HYCC2: variants seen among roughly 807,000 people sequenced by gnomAD.
HYCC2 encodes hyccin 2.
the HYCC2 span, chr2:200,979,981 G>C: frequency 6.6e-6 from 1 of 152,630 alleles, no homozygotes. Flanking sequence ...GCAGATATAT[G>C]ATTAGAAGGT....
the HYCC2 span, among the ~76,000 whole-genome samples, chr2:201,027,014 T>C: frequency 2.0e-5 from 3 of 152,120 alleles, no homozygotes; most frequent in South Asian, 6.2e-4. Context: ...AAAAAATCCA[T>C]GAATCCAGGA....
chr2:201,048,160 G>A, the HYCC2 span, among the ~76,000 whole-genome samples: 1 of 152,072 alleles, frequency 6.6e-6, no homozygotes. Context: ...TGTGACACTA[G>A]TAATAGTAAT....
At chr2:200,980,715 G>C in the HYCC2 span, 1 of 153,966 alleles carries the variant, frequency 6.5e-6, no homozygotes, top group Non-Finnish European at 1.4e-5. Context: ...TAATGAAAAA[G>C]TGCAGCAGTC....
chr2:201,045,669 TAGGC>T, the HYCC2 span: 8 of 394,814 alleles, frequency 2.0e-5, no homozygotes, highest in African/African-American at 1.6e-4. Context: ...ACAGTTTTGA[TAGGC>T]ATTTACAATA....
At chr2:201,003,805 CTTTTTTTTTT>C in the HYCC2 span, among the ~76,000 whole-genome samples, 3 of 66,360 alleles carry the variant, frequency 4.5e-5, no homozygotes, top group East Asian at 1.5e-3. Context: ...GTTGTTGTTG[CTTTTTTTTTT>C]TTTTTTTTTT....
the HYCC2 span, among the ~76,000 whole-genome samples, chr2:201,014,986 A>G: frequency 6.6e-6 from 1 of 152,154 alleles, no homozygotes; most frequent in Non-Finnish European, 1.5e-5. Context: ...ATTATCAAAT[A>G]ACTATTAACA....
At chr2:201,048,765 T>C in the HYCC2 span, among the ~76,000 whole-genome samples, 3 of 152,070 alleles carry the variant, frequency 2.0e-5, no homozygotes, top group African/African-American at 7.2e-5. Flanking sequence ...ATTAAAGTAA[T>C]ATTAATGAAG....
chr2:201,016,595 ATTTTT>A, the HYCC2 span, among the ~76,000 whole-genome samples: 1 of 149,354 alleles, frequency 6.7e-6, no homozygotes, highest in Non-Finnish European at 1.5e-5. Flanking sequence ...TTTATTTATT[ATTTTT>A]AATTTTTTTT....
chr2:201,012,132 T>A, the HYCC2 span, among the ~76,000 whole-genome samples: 21 of 152,228 alleles, frequency 1.4e-4, no homozygotes, highest in African/African-American at 4.8e-4. Flanking sequence ...TTACAATCAT[T>A]CGCAATAAAC....
chr2:200,992,496 C>A, the HYCC2 span: 1 of 692,228 alleles, frequency 1.4e-6, no homozygotes, highest in Non-Finnish European at 2.6e-6. Flanking sequence ...TACGTCATTT[C>A]ATTTATAAAC....
At chr2:200,998,333 CT>C in the HYCC2 span, among the ~76,000 whole-genome samples, 1 of 152,144 alleles carries the variant, frequency 6.6e-6, no homozygotes, top group Non-Finnish European at 1.5e-5. Context: ...ATAGAATATG[CT>C]TTTTTACTTG....
At chr2:201,033,866 C>T in the HYCC2 span, among the ~76,000 whole-genome samples, 22 of 151,850 alleles carry the variant, frequency 1.4e-4, no homozygotes, top group Non-Finnish European at 2.4e-4. Flanking sequence ...AAAAGCAACA[C>T]AAATCTTTTA....
the HYCC2 span, among the ~76,000 whole-genome samples, chr2:201,059,855 GGCCAACATGGTGAAAC>G: frequency 1.3e-5 from 2 of 152,046 alleles, no homozygotes; most frequent in East Asian, 3.9e-4. Flanking sequence ...AGACCAGCCT[GGCCAACATGGTGAAAC>G]CCCGTCTCTA....
chr2:201,048,066 T>C, the HYCC2 span, among the ~76,000 whole-genome samples: 1 of 152,058 alleles, frequency 6.6e-6, no homozygotes, highest in Non-Finnish European at 1.5e-5. Flanking sequence ...GGGTAAACAG[T>C]ATAAGGAAAT....
chr2:201,027,686 T>G, the HYCC2 span, among the ~76,000 whole-genome samples: 1 of 151,698 alleles, frequency 6.6e-6, no homozygotes, highest in Non-Finnish European at 1.5e-5. Flanking sequence ...ACGTAACCCA[T>G]CACATAAAGA....
At chr2:200,989,636 G>A in the HYCC2 span, among the ~76,000 whole-genome samples, 2 of 152,040 alleles carry the variant, frequency 1.3e-5, no homozygotes, top group Non-Finnish European at 2.9e-5. Context: ...AACATGGTGA[G>A]ATCTCGTCTC....
the HYCC2 span, among the ~76,000 whole-genome samples, chr2:201,055,816 C>T: frequency 1.3e-5 from 2 of 152,182 alleles, no homozygotes; most frequent in East Asian, 3.9e-4. Context: ...ATCCTAGCTA[C>T]TCGGGTGGCT....
chr2:200,981,028 G>A, the HYCC2 span: 1 of 542,648 alleles, frequency 1.8e-6, no homozygotes, highest in Non-Finnish European at 3.3e-6. The surrounding 1 kb of genome is among the most constrained non-coding windows in gnomAD (Gnocchi z 4.5). Flanking sequence ...CATGGAAAAG[G>A]CAACCATTTT....
chr2:201,028,113 A>G, the HYCC2 span, among the ~76,000 whole-genome samples: 5 of 152,256 alleles, frequency 3.3e-5, no homozygotes, highest in Non-Finnish European at 7.3e-5. Flanking sequence ...CAACTTCAGC[A>G]AAGTCTCAGG....
Sources: allele counts gnomAD v4.1 joint callset (sites outside exome capture counted in the v4.1 genomes callset), GRCh38; gene constraint gnomAD v4.1.1; non-coding constraint Gnocchi (gnomAD v3.1); transcripts MANE v1.5; gene names NCBI Gene and HGNC (gene_info 2026-07-23, HGNC 2026-07-21).